AMTN: variants seen among roughly 807,000 people sequenced by gnomAD.
AMTN encodes RSTI689.
Under a neutral mutation model 27.4 loss-of-function variants are expected in AMTN, and 29 were observed. That is an observed-to-expected ratio of 1.06 (90% CI 0.79 to 1.44). The LOEUF (loss-of-function observed/expected upper bound fraction) is 1.44, where lower values mean the gene tolerates loss of function less well. AMTN is among the 40% of genes most tolerant of loss of function. The pLI, the probability that AMTN is intolerant of heterozygous loss-of-function variation, is 0.00. For synonymous variants in AMTN, 86 were observed against 95.7 expected (o/e 0.90, Z 0.59); for missense variants, 247 against 248.8 (o/e 0.99, Z 0.05).
chr4:70,519,304 T>G (rs1376677584), intron 2 of AMTN, among the ~76,000 whole-genome samples: 1 of 152,162 alleles, frequency 6.6e-6, no homozygotes, highest in East Asian at 1.9e-4. Flanking sequence ...ATGATCAAAA[T>G]TTTTGACTTA....
chr4:70,529,414 G>C (rs534745342), intron 7 of AMTN, among the ~76,000 whole-genome samples: 1 of 152,096 alleles, frequency 6.6e-6, no homozygotes, highest in East Asian at 1.9e-4. Flanking sequence ...CTATTAATTT[G>C]ACTTAGCTTT....
chr4:70,528,810 G>C (rs1420714448), intron 6 of AMTN, 52 bp downstream of exon 6: 1 of 1,473,432 alleles, frequency 6.8e-7, no homozygotes, highest in African/African-American at 1.4e-5. Context: ...TGCTGTGAAA[G>C]GTGATTTTCT....
Position 70,529,038 on chromosome 4 carries a change from A to C in AMTN, c.331-146A>C, listed in dbSNP as rs1320703090. On this transcript the variant is annotated intron_variant, in intron 6 of 8. Coordinates refer to ENST00000339336, the MANE Select transcript of AMTN (RefSeq NM_212557.4). ...TGCTGACTTGAGTTTTGTAATATAG[A>C]TCATAAGGCAGTTTAACATATTATT... 5 of 706,134 alleles carry C rather than the reference A, an allele frequency of 7.1e-6. No homozygotes were observed. In the African/African-American group the frequency reaches 7.5e-5, roughly 11 times the overall value. 43.7% of individuals were successfully genotyped at this position (706,134 alleles called of 1,614,324 possible).
At chr4:70,524,340 T>A (rs1736047839) in intron 4 of AMTN, among the ~76,000 whole-genome samples, 1 of 152,216 alleles carries the variant, frequency 6.6e-6, no homozygotes, top group Admixed American at 6.5e-5. Context: ...AGAATATCTG[T>A]ATAGATCTTC....
chr4:70,528,213 G>T (rs947339234), intron 5 of AMTN, among the ~76,000 whole-genome samples: 6 of 93,526 alleles, frequency 6.4e-5, no homozygotes, highest in African/African-American at 2.8e-4. Flanking sequence ...ATCTTGAACT[G>T]GTTTCTAAAT....
chr4:70,523,991 A>G, intron 4 of AMTN, 58 bp downstream of exon 4: 1 of 1,424,944 alleles, frequency 7.0e-7, no homozygotes, highest in Non-Finnish European at 9.9e-7. Flanking sequence ...AATGCCTAAT[A>G]TTACAGTGGG....
chr4:70,530,977 T>TA, intron 7 of AMTN, 62 bp from the exon 8 acceptor site: 1 of 1,583,436 alleles, frequency 6.3e-7, no homozygotes, highest in Non-Finnish European at 8.6e-7. Flanking sequence ...TTGCTCCCCT[T>TA]AAAAGAGAAA....
rs762425719 is a variant in AMTN at position 70,532,457 on chromosome 4, A to G, written c.622A>G (p.Ile208Val). The G allele has an allele frequency of 1.9e-6, 3 of 1,605,464 alleles. No individual in the cohort carries two copies. In the South Asian group the frequency reaches 3.4e-5, roughly 18 times the overall value. ...EEATTESANG[I>V]Q ...AAAGGTGTTTTATTTTCTTCCAGGA[A>G]TTCAGTAAGCTGTTTCAAATTTTTT... The change falls in exon 9 of 9, where the codon ATT becomes GTT. Residue 208 changes from isoleucine to valine, a missense_variant and splice_region_variant. Ile to Val is a conservative substitution (Grantham distance 29). Coordinates refer to ENST00000339336, the MANE Select transcript of AMTN (RefSeq NM_212557.4).
In AMTN at chr4:70,532,555, C is replaced by T. The variant is rs1736248003; in HGVS notation, c.*90C>T. 4 of 1,158,480 alleles carry T rather than the reference C, an allele frequency of 3.5e-6. No homozygotes were observed. Among genetic ancestry groups the T allele is most frequent in the African/African-American group, 1.6e-5 (1 of 64,342 alleles). The allele number at this position is 1,158,480 out of a possible 1,614,324, so 71.8% of individuals were successfully genotyped here. ...GATTATATTATGGAATAGATTGAGA[C>T]ACATTGGATAGTCTTAGAAGAAATT... On this transcript the variant is annotated 3_prime_UTR_variant, in exon 9 of 9. Coordinates refer to ENST00000339336, the MANE Select transcript of AMTN (RefSeq NM_212557.4).
At position 70,532,623 on chromosome 4, in the gene AMTN, T is replaced by C. The variant is rs1736249561; in HGVS notation, c.*158T>C. 3 of 660,874 alleles carry C rather than the reference T, an allele frequency of 4.5e-6. No homozygotes were observed. The African/African-American group carries it at 5.6e-5, about 12-fold the overall frequency. 40.9% of individuals were successfully genotyped at this position (660,874 alleles called of 1,614,324 possible). A position where few individuals can be genotyped will look rare whatever the true frequency, so the allele number is the denominator to read the frequency against. The stretch of plus-strand genomic sequence containing the variant: ...AAAATATTCTTGAAATTTCAGAAAA[T>C]ATGTTCTATGTAGAGAATCCCAACT... On this transcript the variant is annotated 3_prime_UTR_variant, in exon 9 of 9. Transcript: ENST00000339336.
chr4:70,525,757 AGGCGTGGTGG>A (rs1736088277), intron 5 of AMTN, among the ~76,000 whole-genome samples: 1 of 152,080 alleles, frequency 6.6e-6, no homozygotes, highest in African/African-American at 2.4e-5. Context: ...ATAAATAGCC[AGGCGTGGTGG>A]GGCTCACCTA....
chr4:70,524,566 TG>T (rs1736053700), intron 4 of AMTN, among the ~76,000 whole-genome samples: 1 of 152,178 alleles, frequency 6.6e-6, no homozygotes, highest in South Asian at 2.1e-4. Flanking sequence ...GAATTGCTCT[TG>T]TAGCCAAAAG....
At position 70,523,949 on chromosome 4, in the gene AMTN, T is replaced by G. The variant is rs1736035929; in HGVS notation, c.204+16T>G. On this transcript the variant is annotated intron_variant, in intron 4 of 8. Coordinates refer to ENST00000339336, the MANE Select transcript of AMTN (RefSeq NM_212557.4). ...TCTGCATCTGGTAAGTGATTGTTTATATTATTTTAATACCCATTGTGAAAT... is the reference window on the plus strand; with the variant it reads ...TCTGCATCTGGTAAGTGATTGTTTAGATTATTTTAATACCCATTGTGAAAT... The G allele has an allele frequency of 6.2e-7, 1 of 1,603,038 alleles. No homozygotes were observed. The highest frequency in any genetic ancestry group is 1.1e-5 in the South Asian group (1 of 90,748).
chr4:70,529,243 T>C, intron 7 of AMTN, 33 bp downstream of exon 7: 1 of 1,474,030 alleles, frequency 6.8e-7, no homozygotes, highest in Non-Finnish European at 9.1e-7. Flanking sequence ...TTCAAATTAT[T>C]TTCACTTCTA....
At chr4:70,522,277 T>C (rs1284917089) in intron 2 of AMTN, among the ~76,000 whole-genome samples, 1 of 152,064 alleles carries the variant, frequency 6.6e-6, no homozygotes, top group African/African-American at 2.4e-5. Flanking sequence ...TTTAATACAC[T>C]AATAAAATAT....
At chr4:70,530,445 T>C (rs1198097295) in intron 7 of AMTN, among the ~76,000 whole-genome samples, 1 of 152,216 alleles carries the variant, frequency 6.6e-6, no homozygotes. Context: ...ATCTCTTAAA[T>C]GTAACACAGT....
chr4:70,524,100 T>C (rs1736043263), intron 4 of AMTN, among the ~76,000 whole-genome samples, 167 bp downstream of exon 4: 1 of 151,932 alleles, frequency 6.6e-6, no homozygotes, highest in African/African-American at 2.4e-5. Flanking sequence ...TCCAAGAGAG[T>C]TGGACATCAT....
intron 2 of AMTN, among the ~76,000 whole-genome samples, chr4:70,520,020 A>G (rs1261307507): frequency 6.6e-6 from 1 of 152,140 alleles, no homozygotes; most frequent in East Asian, 1.9e-4. Flanking sequence ...ATTTTTTTAT[A>G]AAACAAATGG....
intron 3 of AMTN, 38 bp downstream of exon 3, chr4:70,522,876 A>G (rs1386792518): frequency 6.3e-7 from 1 of 1,588,802 alleles, no homozygotes; most frequent in Admixed American, 1.7e-5. Context: ...ACAAACCGGT[A>G]AAGAAAATAC....
Sources: allele counts gnomAD v4.1 joint callset (sites outside exome capture counted in the v4.1 genomes callset), GRCh38; gene constraint gnomAD v4.1.1; transcripts MANE v1.5; gene names NCBI Gene and HGNC (gene_info 2026-07-23, HGNC 2026-07-21).